The following POR variants were observed in gnomAD, a reference collection of about 807,000 sequenced individuals.
POR encodes cytochrome p450 oxidoreductase.
In POR, 56 loss-of-function variants were observed where a neutral mutation model predicts 84.0. That is an observed-to-expected ratio of 0.67 (90% CI 0.54 to 0.83). The LOEUF is 0.83. POR is among the 40% of genes least tolerant of loss of function. POR has a pLI of 0.00. For synonymous variants in POR, 414 were observed against 400.5 expected, an observed-to-expected ratio of 1.03 and a Z score of -0.40; for missense variants, 938 against 944.3, an observed-to-expected ratio of 0.99 and a Z score of 0.09.
intron 4 of POR, among the ~76,000 whole-genome samples, chr7:75,979,964 G>A (rs1410418057): frequency 2.0e-5 from 3 of 152,208 alleles, no homozygotes; most frequent in South Asian, 2.1e-4. Context: ...TTGATGAACA[G>A]TTTAGTTAGA....
chr7:75,986,344 C>CGGAACA lies in POR; in HGVS notation c.1907_1912dup (p.Arg636_Asn637dup). The CGGAACA allele has an allele frequency of 1.2e-6, 2 of 1,612,502 alleles. No individual in the cohort carries two copies. The highest frequency in any genetic ancestry group is 1.7e-6 in the Non-Finnish European group (2 of 1,179,810). On this transcript the variant is annotated inframe_insertion, in exon 16 of 16. Transcript: ENST00000461988. ...CCCCCTCTTCCTGCCCAGGGATGCA[C>CGGAACA]GGAACATGGCCAGGGATGTGCAGAA...
Position 75,986,002 on chromosome 7 carries a change from G to A in POR, c.1749G>A (p.Ala583=), listed in dbSNP as rs782818292. 26 of 1,571,216 alleles carry A rather than the reference G, an allele frequency of 1.7e-5. No homozygotes were observed. Among genetic ancestry groups the A allele is most frequent in the Middle Eastern group, 1.7e-4 (1 of 6,024 alleles). ...ACTACCTGTACCGGGAGGAGCTGGCGCAGTTCCACAGGGACGGTGCGCTCA... is the reference window on the plus strand; with the variant it reads ...ACTACCTGTACCGGGAGGAGCTGGCACAGTTCCACAGGGACGGTGCGCTCA... The change falls in exon 14 of 16, where the codon GCG becomes GCA. Residue 583 remains alanine (A), a synonymous_variant. Transcript: ENST00000461988.
At chr7:75,983,335 T>C (rs1275425586) in intron 8 of POR, 185 bp from the exon 9 acceptor site, 8 of 466,758 alleles carry the variant, frequency 1.7e-5, no homozygotes, top group Non-Finnish European at 3.0e-5. Context: ...AGCGAAACTC[T>C]GTCTCAAAAA....
chr7:75,971,518 C>T (rs782777714), intron 2 of POR, among the ~76,000 whole-genome samples: 1 of 151,572 alleles, frequency 6.6e-6, no homozygotes, highest in Non-Finnish European at 1.5e-5. Flanking sequence ...AGGGGTGGTG[C>T]GGGGGTAGAA....
intron 1 of POR, among the ~76,000 whole-genome samples, chr7:75,916,759 A>G (rs1264018177): frequency 2.6e-5 from 4 of 152,192 alleles, no homozygotes; most frequent in African/African-American, 9.7e-5. Context: ...GAAACAACCC[A>G]GGGATATTCC....
At chr7:75,971,588 G>A (rs1200478938) in intron 2 of POR, among the ~76,000 whole-genome samples, 5 of 152,106 alleles carry the variant, frequency 3.3e-5, no homozygotes, top group Non-Finnish European at 5.9e-5. Flanking sequence ...TGAGGCTGGC[G>A]GGCACCAGGC....
chr7:75,956,435 G>A (rs1469525373), intron 2 of POR, among the ~76,000 whole-genome samples: 1 of 152,204 alleles, frequency 6.6e-6, no homozygotes, highest in African/African-American at 2.4e-5. Flanking sequence ...GAAAATAGAT[G>A]AATGCTGTCT....
At chr7:75,916,775 A>G (rs1238982007) in intron 1 of POR, among the ~76,000 whole-genome samples, 5 of 152,122 alleles carry the variant, frequency 3.3e-5, no homozygotes, top group African/African-American at 1.2e-4. Context: ...ATTCCTGAAA[A>G]CAGCAGCATT....
chr7:75,948,676 C>T (rs781921544), intron 1 of POR, among the ~76,000 whole-genome samples: 21 of 152,220 alleles, frequency 1.4e-4, no homozygotes, highest in Non-Finnish European at 2.5e-4. Flanking sequence ...ACCCGAAAAT[C>T]GGAAGGTTCT....
At chr7:75,920,379 T>C (rs547589152) in intron 1 of POR, among the ~76,000 whole-genome samples, 3 of 152,184 alleles carry the variant, frequency 2.0e-5, no homozygotes, top group East Asian at 3.9e-4. Flanking sequence ...CTTATAAGAA[T>C]TGAATTCTTT....
In POR at chr7:75,982,024, G is replaced by A. The variant is rs574536745; in HGVS notation, c.732-200G>A. 369 of 593,842 alleles carry A rather than the reference G, an allele frequency of 6.2e-4. 2 individuals are homozygous for A. In the Middle Eastern group the frequency reaches 0.018, roughly 28 times the overall value. 36.8% of individuals were successfully genotyped at this position (593,842 alleles called of 1,614,324 possible). A position where few individuals can be genotyped will look rare whatever the true frequency, so the allele number is the denominator to read the frequency against. ...CCCGGCTTCTGGGCGTCTGGCCCCC[G>A]GCAGCTCCACGCCGCCTCCCTCCTT... On this transcript the variant is annotated intron_variant, in intron 7 of 15. Coordinates refer to ENST00000461988, the MANE Select transcript of POR (RefSeq NM_000941.3).
chr7:75,975,205 T>G (rs989177602), intron 3 of POR, among the ~76,000 whole-genome samples: 1 of 152,166 alleles, frequency 6.6e-6, no homozygotes, highest in Non-Finnish European at 1.5e-5. Flanking sequence ...TATTCAAAAT[T>G]TAAAATCTGA....
At chr7:75,969,575 C>G (rs1027893336) in intron 2 of POR, among the ~76,000 whole-genome samples, 32 of 152,224 alleles carry the variant, frequency 2.1e-4, no homozygotes, top group African/African-American at 7.2e-4. Context: ...TGCTCTTGTC[C>G]TTTTCTTCAG....
At position 75,955,684 on chromosome 7, in the gene POR, A is replaced by G. The variant is rs376606221; in HGVS notation, c.188+1504A>G. On this transcript the variant is annotated intron_variant, in intron 2 of 15. Coordinates refer to ENST00000461988, the MANE Select transcript of POR (RefSeq NM_000941.3). Reference sequence around the variant, plus strand: ...AACCCCTTTCATTCTGTCTGTCTTCAGGGGACCCAGTCCCAGCTGCAGCCT... The same window carrying G: ...AACCCCTTTCATTCTGTCTGTCTTCGGGGGACCCAGTCCCAGCTGCAGCCT... Among the ~76,000 whole-genome samples the G allele has an allele frequency of 1.5e-4, 23 of 152,144 alleles. 1 individual carries two copies. In the East Asian group the frequency reaches 1.9e-3, roughly 13 times the overall value.
intron 1 of POR, among the ~76,000 whole-genome samples, chr7:75,922,202 T>C (rs1806908000): frequency 6.6e-6 from 1 of 152,036 alleles, no homozygotes. Flanking sequence ...AGGCATAAGG[T>C]AGGCACTTGG....
At chr7:75,958,574 G>A (rs1483050831) in intron 2 of POR, among the ~76,000 whole-genome samples, 1 of 152,178 alleles carries the variant, frequency 6.6e-6, no homozygotes, top group Non-Finnish European at 1.5e-5. Context: ...TAGCAGCAGA[G>A]TTGGCTTTTG....
intron 2 of POR, among the ~76,000 whole-genome samples, chr7:75,954,382 A>G (rs1554553437): frequency 1.3e-5 from 2 of 152,040 alleles, no homozygotes; most frequent in South Asian, 2.1e-4. Flanking sequence ...GCCCTTTTCT[A>G]TCTGCTGTTT....
intron 2 of POR, among the ~76,000 whole-genome samples, chr7:75,960,060 AGGTG>A (rs1787869372): frequency 6.6e-6 from 1 of 152,102 alleles, no homozygotes; most frequent in Non-Finnish European, 1.5e-5. Flanking sequence ...AGGCCGAGGC[AGGTG>A]GATTGCTTTG....
intron 3 of POR, among the ~76,000 whole-genome samples, chr7:75,978,891 G>T (rs1006611210): frequency 6.6e-6 from 1 of 151,924 alleles, no homozygotes; most frequent in Non-Finnish European, 1.5e-5. Flanking sequence ...CCACCTCCTG[G>T]GTTCAAGCTG....
Sources: gnomAD v4.1 joint callset for allele counts (sites outside exome capture counted in the v4.1 genomes callset) on GRCh38, gnomAD v4.1.1 for gene constraint, MANE v1.5 for transcripts, NCBI Gene and HGNC (gene_info 2026-07-23, HGNC 2026-07-21) for gene names.